The following LARGE1 variants were observed in gnomAD, a reference collection of about 807,000 sequenced individuals.
The protein encoded by LARGE1 is xylosyl- and glucuronyltransferase LARGE1.
LARGE1 carries 43 observed loss-of-function variants against 87.6 expected under a neutral mutation model. The observed-to-expected ratio is 0.49, with a 90% CI of 0.38 to 0.63. The LOEUF (loss-of-function observed/expected upper bound fraction) is 0.63, where lower values mean the gene tolerates loss of function less well. LARGE1 is among the 30% of genes least tolerant of loss of function. The probability of loss-of-function intolerance (pLI) is 0.00; values close to 1 mark genes in which losing one functional copy is unlikely to be tolerated. For missense variants in LARGE1, 802 were observed against 1,000.2 expected (o/e 0.80, Z 2.67); for synonymous variants, 434 against 394.6 (o/e 1.10, Z -1.18).
In LARGE1 at chr22:33,191,529, C is replaced by T. The variant is rs73881984; in HGVS notation, c.1731-24697G>A. Among the ~76,000 whole-genome samples, 673 of 104,668 alleles carry T rather than the reference C, an allele frequency of 6.4e-3. 6 individuals are homozygous for T. The highest frequency in any genetic ancestry group is 0.026 in the African/African-American group (646 of 24,420). 68.7% of individuals were successfully genotyped at this position (104,668 alleles called of 152,430 possible). On this transcript the variant is annotated intron_variant, in intron 11 of 11. Transcript: ENST00000608642. ...ATGTCATTGGTTTTCAAAGGGGCTT[C>T]GTGGTGAGATCAGATAAATTTAGAA...
At chr22:33,627,834 A>G (rs2079969657) in intron 3 of LARGE1, among the ~76,000 whole-genome samples, 1 of 152,128 alleles carries the variant, frequency 6.6e-6, no homozygotes, top group African/African-American at 2.4e-5. Context: ...TATAGAATCT[A>G]ATTTTCTCAG....
chr22:33,083,865 T>G, the LARGE1 span, among the ~76,000 whole-genome samples: 2 of 152,130 alleles, frequency 1.3e-5, no homozygotes, highest in African/African-American at 2.4e-5. Flanking sequence ...CAGCAAGAGT[T>G]TACAGGGTTT....
intron 5 of LARGE1, among the ~76,000 whole-genome samples, chr22:33,576,497 T>C (rs1402252150): frequency 6.6e-6 from 1 of 152,088 alleles, no homozygotes; most frequent in Non-Finnish European, 1.5e-5. Flanking sequence ...GGTGAAGATA[T>C]CCAGGTGGCT....
chr22:33,465,233 A>C (rs968935889), intron 6 of LARGE1, among the ~76,000 whole-genome samples: 2 of 152,252 alleles, frequency 1.3e-5, no homozygotes, highest in Non-Finnish European at 2.9e-5. Context: ...CCACTGTATA[A>C]AGCTAAAAGA....
downstream of LARGE1, among the ~76,000 whole-genome samples, chr22:33,157,516 G>T (rs1055752862): frequency 1.3e-5 from 2 of 152,040 alleles, no homozygotes; most frequent in Admixed American, 6.5e-5. Context: ...TAACTAAACT[G>T]CCTGTTAGTC....
chr22:33,089,373 T>TTCTTCTTCTTCTTCTTCC, the LARGE1 span, among the ~76,000 whole-genome samples: 1 of 142,728 alleles, frequency 7.0e-6, no homozygotes, highest in Admixed American at 7.0e-5. Flanking sequence ...CTTCTTCTCC[T>TTCTTCTTCTTCTTCTTCC]TCTTCTTCTT....
chr22:33,262,057 A>G (rs1297209970), intron 11 of LARGE1, among the ~76,000 whole-genome samples: 3 of 152,248 alleles, frequency 2.0e-5, no homozygotes, highest in African/African-American at 7.2e-5. Flanking sequence ...TTTGGAGTTG[A>G]CAAAGTATCG....
chr22:33,277,043 T>C lies in LARGE1; in HGVS notation c.2073+17A>G, dbSNP rs1929446429. ...TCCCCCGTCGACCATACCAGGTGGA[T>C]GCTCCGTTCTTCTCACCTGCACATC... On this transcript the variant is annotated intron_variant, in intron 14 of 14. Coordinates refer to ENST00000397394, the MANE Select transcript of LARGE1 (RefSeq NM_133642.5). 2 of 1,613,240 alleles carry C rather than the reference T, an allele frequency of 1.2e-6. No individual in the cohort carries two copies. Among genetic ancestry groups the C allele is most frequent in the South Asian group, 2.2e-5 (2 of 91,076 alleles).
chr22:33,399,167 TG>T (rs1364892094), intron 7 of LARGE1, among the ~76,000 whole-genome samples: 3 of 151,738 alleles, frequency 2.0e-5, no homozygotes, highest in African/African-American at 7.3e-5. Context: ...CCCCCATGTG[TG>T]ATGTTCTGCT....
chr22:33,884,156 A>G (rs1301571438), intron 1 of LARGE1, among the ~76,000 whole-genome samples: 1 of 152,172 alleles, frequency 6.6e-6, no homozygotes, highest in Non-Finnish European at 1.5e-5. Context: ...CTCACCTTCA[A>G]CAAGAATGTC....
intron 7 of LARGE1, among the ~76,000 whole-genome samples, chr22:33,410,354 T>C (rs1002307586): frequency 6.6e-6 from 1 of 152,036 alleles, no homozygotes; most frequent in African/African-American, 2.4e-5. Context: ...CCAAATCGCA[T>C]CTTGAATTGT....
intron 2 of LARGE1, among the ~76,000 whole-genome samples, chr22:33,689,162 TCTCTCC>T (rs376497185): frequency 0.073 from 11,136 of 151,776 alleles, 521 homozygotes; most frequent in Middle Eastern, 0.11. Flanking sequence ...TCTCTCTCTC[TCTCTCC>T]CCCCTCCTGT....
At chr22:33,123,345 C>T in the LARGE1 span, among the ~76,000 whole-genome samples, 35 of 150,882 alleles carry the variant, frequency 2.3e-4, no homozygotes, top group African/African-American at 8.3e-4. Flanking sequence ...AATTTGTATT[C>T]GACTCAGTGT....
chr22:33,764,435 C>CA (rs1400677581), intron 1 of LARGE1, among the ~76,000 whole-genome samples: 5 of 152,074 alleles, frequency 3.3e-5, no homozygotes, highest in African/African-American at 1.2e-4. Context: ...ATACTTTACT[C>CA]AAAATCATCT....
At chr22:33,409,826 A>C (rs973436613) in intron 7 of LARGE1, among the ~76,000 whole-genome samples, 10 of 147,514 alleles carry the variant, frequency 6.8e-5, no homozygotes, top group African/African-American at 2.5e-4. Flanking sequence ...ATGCCACTGC[A>C]CTCCAGCCTG....
intron 2 of LARGE1, among the ~76,000 whole-genome samples, chr22:33,730,667 T>C (rs908537712): frequency 1.1e-4 from 17 of 152,146 alleles, no homozygotes; most frequent in African/African-American, 3.9e-4. Flanking sequence ...GGGGGTTGCA[T>C]TTCTATTTTA....
chr22:33,394,107 A>G (rs979438345), intron 7 of LARGE1, among the ~76,000 whole-genome samples: 1 of 151,564 alleles, frequency 6.6e-6, no homozygotes, highest in Admixed American at 6.6e-5. Context: ...AAGAGAAGCT[A>G]AACAGGGTGA....
At chr22:33,922,529 G>T (rs1272473621), upstream of LARGE1, 1 of 152,114 alleles carries the variant, frequency 6.6e-6, no homozygotes, top group African/African-American at 2.4e-5. Context: ...AGGCAGCGGT[G>T]GTACAGCAGC....
rs117204629 is a variant in LARGE1 at position 33,734,931 on chromosome 22, T to C, written c.106+26440A>G. Among the ~76,000 whole-genome samples, 837 of 152,246 alleles carry C rather than the reference T, an allele frequency of 5.5e-3. 4 individuals carry two copies. Among genetic ancestry groups the C allele is most frequent in the Non-Finnish European group, 8.6e-3 (582 of 68,010 alleles). The stretch of plus-strand genomic sequence containing the variant: ...ATAATATCGAAGTTGGAAGGAACCA[T>C]AGAAGTCCTCCAAAACATGTTCCTG... On this transcript the variant is annotated intron_variant, in intron 2 of 14. Coordinates refer to ENST00000397394, the MANE Select transcript of LARGE1 (RefSeq NM_133642.5).
Sources: gnomAD v4.1 joint callset for allele counts (sites outside exome capture counted in the v4.1 genomes callset) on GRCh38, gnomAD v4.1.1 for gene constraint, MANE v1.5 for transcripts, NCBI Gene and HGNC (gene_info 2026-07-23, HGNC 2026-07-21) for gene names.